The following NSD2 variants were observed in gnomAD, a reference collection of about 807,000 sequenced individuals.
NSD2 encodes nuclear receptor binding SET domain protein 2.
NSD2 carries 12 observed loss-of-function variants against 139.0 expected under a neutral mutation model. That is an observed-to-expected ratio of 0.09 (90% confidence interval 0.06 to 0.14). The LOEUF is 0.14. Among genes scored for constraint, NSD2 ranks in the 10% least tolerant of loss-of-function variants. The probability of loss-of-function intolerance (pLI) is 1.00; values close to 1 mark genes in which losing one functional copy is unlikely to be tolerated. For synonymous variants in NSD2, 669 were observed against 648.7 expected (o/e 1.03, Z -0.48); for missense variants, 1,155 against 1,745.0 (o/e 0.66, Z 6.02).
intron 9 of NSD2, chr4:1,940,328 G>C: frequency 4.7e-6 from 5 of 1,070,024 alleles, no homozygotes; most frequent in Non-Finnish European, 5.7e-6. Context: ...AGGTGAGTCA[G>C]AACTACCATT....
chr4:1,925,202 G>A (rs112168336), intron 5 of NSD2, among the ~76,000 whole-genome samples: 2,948 of 152,076 alleles, frequency 0.019, 69 homozygotes, highest in African/African-American at 0.055. Flanking sequence ...GGGAGTGCTG[G>A]TGCACACAAG....
chr4:1,946,319 A>G, intron 9 of NSD2: 1 of 707,504 alleles, frequency 1.4e-6, no homozygotes, highest in Non-Finnish European at 1.8e-6. Context: ...GCTGGAGTGC[A>G]GTAAGTGGCA....
chr4:1,959,800 C>G, intron 17 of NSD2, 60 bp downstream of exon 17: 1 of 1,583,052 alleles, frequency 6.3e-7, no homozygotes, highest in Non-Finnish European at 8.6e-7. Flanking sequence ...GGTAATTAGG[C>G]CTAGGTTTGC....
intron 7 of NSD2, among the ~76,000 whole-genome samples, 185 bp downstream of exon 7, chr4:1,935,447 G>T (rs1465289781): frequency 6.6e-6 from 1 of 152,192 alleles, no homozygotes; most frequent in Non-Finnish European, 1.5e-5. Context: ...CTGCTTGCAG[G>T]TTCTTACCCT....
rs1023462618 is a variant in NSD2, at chr4:1,980,135, A to G, written c.*1226A>G. 1.2e-4 allele frequency: 27 copies of G among 233,264 alleles called. No homozygotes were observed. Among genetic ancestry groups the G allele is most frequent in the African/African-American group, 5.1e-4 (23 of 45,354 alleles). 14.4% of individuals were successfully genotyped at this position (233,264 alleles called of 1,614,324 possible). On this transcript the variant is annotated 3_prime_UTR_variant, in exon 22 of 22. Coordinates refer to ENST00000508803, the MANE Select transcript of NSD2 (RefSeq NM_001042424.3). ...TGCCTGGCAGGTGTGCGTGCCTCGTACGTGTGTTATGGGCACTGGTCTAGG... is the reference window on the plus strand; with the variant it reads ...TGCCTGGCAGGTGTGCGTGCCTCGTGCGTGTGTTATGGGCACTGGTCTAGG...
chr4:1,955,952 C>A lies in NSD2; in HGVS notation c.2676-31C>A. On this transcript the variant is annotated intron_variant, in intron 14 of 21. Transcript: ENST00000508803. This position sits in a 1 kb window ranked among gnomAD's most constrained non-coding sequence, Gnocchi z 4.7. ...ATTATTATCGCTGTCTCTGAGGAGTCTGTGAATCCTGTTTTTAATATTTAT... is the reference window on the plus strand; with the variant it reads ...ATTATTATCGCTGTCTCTGAGGAGTATGTGAATCCTGTTTTTAATATTTAT... 1 of 1,612,888 alleles carries A rather than the reference C, an allele frequency of 6.2e-7. No individual in the cohort carries two copies. The highest frequency in any genetic ancestry group is 1.1e-5 in the South Asian group (1 of 90,950).
At position 1,981,719 on chromosome 4, in the gene NSD2, C is replaced by T. The variant is rs1294526536; in HGVS notation, c.*2810C>T. On this transcript the variant is annotated 3_prime_UTR_variant, in exon 22 of 22. Transcript: ENST00000508803. ...GTTTGTCTGTCTTGACATCTAAACC[C>T]CGGCGTGTGCAGTGCCCATCTTCCA... 2.5e-6 allele frequency: 1 copy of T among 396,078 alleles called. No homozygotes were observed. Among genetic ancestry groups the T allele is most frequent in the Admixed American group, 4.4e-5 (1 of 22,656 alleles). The allele number at this position is 396,078 out of a possible 1,614,324, so 24.5% of individuals were successfully genotyped here.
intron 1 of NSD2, among the ~76,000 whole-genome samples, chr4:1,878,825 A>T (rs1275169138): frequency 6.6e-6 from 1 of 152,188 alleles, no homozygotes; most frequent in East Asian, 1.9e-4. Flanking sequence ...TAACCAATGC[A>T]CAGGAGGCAA....
rs566141173 is a variant in NSD2 at position 1,900,450 on chromosome 4, C to T, written c.-29-176C>T. Among the ~76,000 whole-genome samples, 11 of 152,026 alleles carry T rather than the reference C, an allele frequency of 7.2e-5. No individual in the cohort carries two copies. The East Asian group carries it at 1.4e-3, about 19-fold the overall frequency. On this transcript the variant is annotated intron_variant, in intron 1 of 21. Coordinates refer to ENST00000508803, the MANE Select transcript of NSD2 (RefSeq NM_001042424.3). ...TTTCAGCTTTATCATTTTGTGATTC[C>T]GTGTAATTTTTGTGATACTAAAACT...
intron 12 of NSD2, among the ~76,000 whole-genome samples, chr4:1,954,912 G>A (rs1204257522): frequency 2.0e-5 from 3 of 152,148 alleles, no homozygotes; most frequent in Admixed American, 6.5e-5. Flanking sequence ...TGCCCAGGTC[G>A]GCTGCCCACG....
chr4:1,901,103 A>G lies in NSD2; in HGVS notation c.449A>G (p.Asp150Gly). ...TCCATTTGTGGTGACAGTGCTGCTG[A>G]TGTGTCTCAGTCAGAAGAAAATGGA... ...ESSICGDSAA[D>G]VSQSEENGQK... The change falls in exon 2 of 22, where the codon GAT (aspartate) becomes GGT (glycine). Residue 150 changes from aspartate (D) to glycine (G), a missense_variant. By Grantham distance (94) the Asp-to-Gly change is moderately conservative. Coordinates refer to ENST00000508803, the MANE Select transcript of NSD2 (RefSeq NM_001042424.3). The G allele has an allele frequency of 7.4e-6, 12 of 1,614,234 alleles. No individual in the cohort carries two copies. The highest frequency in any genetic ancestry group is 4.2e-6 in the Non-Finnish European group (5 of 1,180,044).
At position 1,979,942 on chromosome 4, in the gene NSD2, C is replaced by T; in HGVS notation, c.*1033C>T. On this transcript the variant is annotated 3_prime_UTR_variant, in exon 22 of 22. Transcript: ENST00000508803. Reference sequence around the variant, plus strand: ...CGTAGGGCGCTGCAGGCCCCGGGGACCCCAGCACGTGGGTCTAAAGAGAGA... The same window carrying T: ...CGTAGGGCGCTGCAGGCCCCGGGGATCCCAGCACGTGGGTCTAAAGAGAGA... The T allele has an allele frequency of 4.3e-6, 1 of 232,646 alleles. No individual in the cohort carries two copies. The allele number at this position is 232,646 out of a possible 1,614,324, so 14.4% of individuals were successfully genotyped here.
At chr4:1,898,215 T>G (rs965103458) in intron 1 of NSD2, among the ~76,000 whole-genome samples, 2 of 152,086 alleles carry the variant, frequency 1.3e-5, no homozygotes, top group Admixed American at 6.6e-5. Context: ...GCCTCCTGAG[T>G]AGCAGGGACT....
chr4:1,943,005 G>T, intron 9 of NSD2: 6 of 1,051,018 alleles, frequency 5.7e-6, no homozygotes, highest in Non-Finnish European at 6.9e-6. Flanking sequence ...GTATTATTGT[G>T]AACCATTTAA....
chr4:1,938,409 T>TG, intron 7 of NSD2, 42 bp from the exon 8 acceptor site: 1 of 1,194,380 alleles, frequency 8.4e-7, no homozygotes, highest in Non-Finnish European at 1.1e-6. Context: ...TTCTTTTTTT[T>TG]TTCTTTCTTT....
chr4:1,903,842 C>T (rs2108755435), intron 2 of NSD2, among the ~76,000 whole-genome samples: 1 of 151,374 alleles, frequency 6.6e-6, no homozygotes, highest in South Asian at 2.1e-4. Context: ...TCACGCCATT[C>T]TCCTGCCTCA....
chr4:1,880,992 T>G (rs1415384788), intron 1 of NSD2, among the ~76,000 whole-genome samples: 2 of 152,192 alleles, frequency 1.3e-5, no homozygotes, highest in Non-Finnish European at 2.9e-5. Context: ...AATTCCTCCC[T>G]TTTAGAGGTG....
intron 5 of NSD2, among the ~76,000 whole-genome samples, chr4:1,926,247 C>T (rs1022433715): frequency 8.6e-5 from 13 of 151,106 alleles, no homozygotes; most frequent in African/African-American, 3.2e-4. Context: ...CTCCGTCTCC[C>T]AGGTTCAAAC....
intron 1 of NSD2, among the ~76,000 whole-genome samples, chr4:1,893,543 GTT>G (rs774429583): frequency 6.6e-5 from 8 of 121,396 alleles, no homozygotes; most frequent in African/African-American, 1.2e-4. Context: ...TTTGTTTTTT[GTT>G]TTTTTTTTTT....
Sources: gnomAD v4.1 joint callset for allele counts (sites outside exome capture counted in the v4.1 genomes callset) on GRCh38, gnomAD v4.1.1 for gene constraint, Gnocchi (gnomAD v3.1) non-coding constraint, MANE v1.5 for transcripts, NCBI Gene and HGNC (gene_info 2026-07-23, HGNC 2026-07-21) for gene names.